Variants in FANK1 observed in about 807,000 individuals in gnomAD.
FANK1 encodes the protein fibronectin type III and ankyrin repeat domains 1, also known as fibronectin type 3 and ankyrin repeat domains protein 1.
FANK1 carries 44 observed loss-of-function variants against 45.3 expected under a neutral mutation model. That is an observed-to-expected ratio of 0.97 (90% CI 0.76 to 1.25). FANK1 has a LOEUF of 1.25. FANK1 is among the 50% of genes most tolerant of loss of function. The pLI is 0.00. For missense variants in FANK1, 391 were observed against 424.4 expected (o/e 0.92, Z 0.69); for synonymous variants, 149 against 152.5 (o/e 0.98, Z 0.17).
Position 125,970,233 on chromosome 10 carries a change from G to T in FANK1, c.14-9928G>T, listed in dbSNP as rs1390844818. Reference sequence around the variant, plus strand: ...GAGGGGCCCCCCACCCCCCAGAGGGGGCGGCCAGGCAGAGGCGCCCCTGCC... The same window carrying T: ...GAGGGGCCCCCCACCCCCCAGAGGGTGCGGCCAGGCAGAGGCGCCCCTGCC... On this transcript the variant is annotated intron_variant, in intron 1 of 10. Coordinates refer to ENST00000368693, the MANE Select transcript of FANK1 (RefSeq NM_145235.5). Among the ~76,000 whole-genome samples the T allele has an allele frequency of 2.0e-5, 3 of 151,958 alleles. No homozygotes were observed. In the East Asian group the frequency reaches 5.8e-4, roughly 30 times the overall value.
At chr10:126,000,887 T>G (rs116043285) in intron 6 of FANK1, among the ~76,000 whole-genome samples, 2,263 of 152,236 alleles carry the variant, frequency 0.015, 62 homozygotes, top group African/African-American at 0.052. Context: ...AGAAGACAAT[T>G]TATAGCAGAA....
intron 6 of FANK1, among the ~76,000 whole-genome samples, chr10:126,003,463 A>G (rs1952930680): frequency 6.6e-6 from 1 of 152,152 alleles, no homozygotes; most frequent in African/African-American, 2.4e-5. Flanking sequence ...CTTCAGAGCT[A>G]GTGTTGTGAC....
chr10:125,995,397 C>T lies in FANK1; in HGVS notation c.317-20C>T. On this transcript the variant is annotated intron_variant, in intron 3 of 10. Transcript: ENST00000368693. Reference sequence around the variant, plus strand: ...CTTTTCTGATGTTCTGGATGACTGCCTTCCATCTCATTTCTCCAGGAGAGC... The same window carrying T: ...CTTTTCTGATGTTCTGGATGACTGCTTTCCATCTCATTTCTCCAGGAGAGC... 3.1e-6 allele frequency: 5 copies of T among 1,611,822 alleles called. No individual in the cohort carries two copies. The highest frequency in any genetic ancestry group is 3.4e-6 in the Non-Finnish European group (4 of 1,177,954).
intron 2 of FANK1, 161 bp downstream of exon 2, chr10:125,980,499 G>A: frequency 1.4e-6 from 1 of 704,168 alleles, no homozygotes; most frequent in Admixed American, 3.3e-5. Context: ...TGGAAAATAG[G>A]CATTAGCAGT....
At chr10:125,987,355 C>T (rs1221378798) in intron 2 of FANK1, among the ~76,000 whole-genome samples, 1 of 151,694 alleles carries the variant, frequency 6.6e-6, no homozygotes, top group African/African-American at 2.4e-5. Flanking sequence ...AAGAATGATT[C>T]TGGTATCTTT....
In FANK1 at chr10:125,939,181, A is replaced by G. The variant is rs571254890; in HGVS notation, c.14-40980A>G. ...TTAAATGTGAATGTGAAAGACAACG[A>G]AAGATGGGCATCTGTTCTAGAATAA... On this transcript the variant is annotated intron_variant, in intron 1 of 10. Coordinates refer to ENST00000368693, the MANE Select transcript of FANK1 (RefSeq NM_145235.5). Among the ~76,000 whole-genome samples, 61 of 152,344 alleles carry G rather than the reference A, an allele frequency of 4.0e-4. 2 individuals carry two copies. The South Asian group carries it at 0.012, about 30-fold the overall frequency.
chr10:125,910,826 A>C (rs1219628430), intron 1 of FANK1, among the ~76,000 whole-genome samples: 2 of 152,058 alleles, frequency 1.3e-5, no homozygotes, highest in African/African-American at 2.4e-5. Flanking sequence ...TGAGGTTAGG[A>C]GATTGAGACC....
intron 3 of FANK1, chr10:125,994,658 T>A: frequency 1.0e-6 from 1 of 985,408 alleles, no homozygotes; most frequent in Non-Finnish European, 1.2e-6. Flanking sequence ...AGGTGTAGAA[T>A]AAAGAACAAA....
At chr10:126,004,497 G>A (rs1953027527) in intron 6 of FANK1, 2 of 173,868 alleles carry the variant, frequency 1.2e-5, no homozygotes, top group African/African-American at 2.4e-5. Flanking sequence ...AAGAAGCCCT[G>A]CCCTCTTCAG....
chr10:125,951,009 C>T (rs538921006), intron 1 of FANK1, among the ~76,000 whole-genome samples: 2,415 of 145,430 alleles, frequency 0.017, 30 homozygotes, highest in South Asian at 0.033. Flanking sequence ...AACCAAACAC[C>T]GCATATTCTC....
intron 1 of FANK1, among the ~76,000 whole-genome samples, chr10:125,948,439 C>T (rs1317490973): frequency 3.3e-5 from 5 of 152,172 alleles, no homozygotes; most frequent in African/African-American, 4.8e-5. Context: ...ATATCACCAC[C>T]GATCCCACAG....
intron 4 of FANK1, 125 bp downstream of exon 4, chr10:125,995,623 C>T: frequency 3.8e-6 from 3 of 790,340 alleles, no homozygotes; most frequent in South Asian, 1.5e-5. Flanking sequence ...CAAAATGGAT[C>T]TCAGGTGACT....
intron 1 of FANK1, among the ~76,000 whole-genome samples, chr10:125,926,542 A>T (rs936778068): frequency 1.3e-5 from 2 of 152,308 alleles, no homozygotes; most frequent in Non-Finnish European, 2.9e-5. Context: ...AAATGAAACC[A>T]TACACTGTCT....
At chr10:126,000,235 C>T (rs547879986) in intron 6 of FANK1, among the ~76,000 whole-genome samples, 1 of 152,296 alleles carries the variant, frequency 6.6e-6, no homozygotes, top group African/African-American at 2.4e-5. Context: ...TGGAATTATT[C>T]TTGGGAACCT....
At chr10:125,921,201 A>G (rs1946921243) in intron 1 of FANK1, among the ~76,000 whole-genome samples, 1 of 152,192 alleles carries the variant, frequency 6.6e-6, no homozygotes, top group East Asian at 1.9e-4. Flanking sequence ...TCCAAAAATT[A>G]CCTTGCCCTT....
chr10:125,990,568 A>C (rs1951857536), intron 3 of FANK1, among the ~76,000 whole-genome samples: 1 of 152,134 alleles, frequency 6.6e-6, no homozygotes, highest in Non-Finnish European at 1.5e-5. Context: ...GGTGAGGGTG[A>C]ATATGGTTGG....
intron 1 of FANK1, among the ~76,000 whole-genome samples, chr10:125,969,938 T>TG (rs1399185763): frequency 6.6e-6 from 1 of 152,222 alleles, no homozygotes; most frequent in Non-Finnish European, 1.5e-5. Context: ...AGCATGGGGT[T>TG]GGGGGTAAGG....
intron 2 of FANK1, chr10:125,980,628 A>G: frequency 3.0e-6 from 1 of 328,512 alleles, no homozygotes; most frequent in Non-Finnish European, 5.6e-6. Context: ...TGATGCAATT[A>G]GGTGAGCTTC....
chr10:125,949,117 T>C (rs954148931), intron 1 of FANK1, among the ~76,000 whole-genome samples: 6 of 151,912 alleles, frequency 3.9e-5, no homozygotes, highest in East Asian at 1.9e-4. Context: ...TGGGATGTAT[T>C]TCAAAATAAT....
Sources: allele counts gnomAD v4.1 joint callset (sites outside exome capture counted in the v4.1 genomes callset), GRCh38; gene constraint gnomAD v4.1.1; transcripts MANE v1.5; gene names NCBI Gene and HGNC (gene_info 2026-07-23, HGNC 2026-07-21).